The following TNNT3 variants were observed in gnomAD, a reference collection of about 807,000 sequenced individuals.
The protein encoded by TNNT3 is troponin T3, fast skeletal type, also known as troponin T, fast skeletal muscle.
A neutral mutation model predicts 54.2 loss-of-function variants in TNNT3; 36 were observed. The ratio of observed to expected loss-of-function variants is 0.66; its 90% CI spans 0.51 to 0.88. The LOEUF is 0.88. Among genes scored for constraint, TNNT3 ranks in the 40% least tolerant of loss-of-function variants. TNNT3 has a pLI of 0.00. For synonymous variants in TNNT3, 120 were observed against 109.7 expected, an observed-to-expected ratio of 1.09 and a Z score of -0.59; for missense variants, 291 against 331.6, an observed-to-expected ratio of 0.88 and a Z score of 0.95.
intron 15 of TNNT3, among the ~76,000 whole-genome samples, 195 bp downstream of exon 15, chr11:1,937,198 G>A (rs769208428): frequency 2.9e-4 from 44 of 152,158 alleles, no homozygotes; most frequent in Non-Finnish European, 5.6e-4. Flanking sequence ...TCTCCTGCAC[G>A]CAGGGGAGCC....
At chr11:1,927,546 G>T (rs1851968315) in intron 6 of TNNT3, among the ~76,000 whole-genome samples, 1 of 152,164 alleles carries the variant, frequency 6.6e-6, no homozygotes, top group Non-Finnish European at 1.5e-5. Context: ...GAGGGGGATG[G>T]GACTCCAGCC....
At chr11:1,928,658 C>G (rs1373137336) in intron 6 of TNNT3, among the ~76,000 whole-genome samples, 1 of 152,172 alleles carries the variant, frequency 6.6e-6, no homozygotes, top group African/African-American at 2.4e-5. Flanking sequence ...CTGGGTTCCA[C>G]CCAGTAACAC....
At chr11:1,938,341 G>C (rs1242739743) in intron 15 of TNNT3, 97 bp from the exon 16 acceptor site, 3 of 1,372,446 alleles carry the variant, frequency 2.2e-6, no homozygotes, top group Non-Finnish European at 3.1e-6. Context: ...CCTGAGAGCA[G>C]CCTGGGGTCG....
chr11:1,936,889 G>A, intron 14 of TNNT3, 74 bp from the exon 15 acceptor site: 2 of 1,496,934 alleles, frequency 1.3e-6, no homozygotes, highest in Admixed American at 3.9e-5. Flanking sequence ...CCCTGCGGTG[G>A]AGACAGGCCT....
At chr11:1,922,674 G>A (rs910532991) in intron 1 of TNNT3, 183 bp from the exon 2 acceptor site, 16 of 645,524 alleles carry the variant, frequency 2.5e-5, no homozygotes, top group Non-Finnish European at 3.9e-5. Context: ...GAGGGGCCAG[G>A]AGCCCTGGAG....
intron 9 of TNNT3, among the ~76,000 whole-genome samples, chr11:1,933,186 C>T (rs926490204): frequency 3.4e-4 from 51 of 148,480 alleles, no homozygotes; most frequent in Admixed American, 1.4e-3. Context: ...CCACCATCCA[C>T]GCATCCTCTA....
intron 5 of TNNT3, chr11:1,926,322 A>G: frequency 2.0e-6 from 2 of 1,006,566 alleles, no homozygotes; most frequent in Middle Eastern, 2.0e-4. Flanking sequence ...GCCTGGGCTA[A>G]CTCTGACCGT....
chr11:1,931,334 A>G (rs1853283624), intron 8 of TNNT3, among the ~76,000 whole-genome samples: 2 of 152,258 alleles, frequency 1.3e-5, no homozygotes, highest in Admixed American at 6.5e-5. Context: ...GAATGTTCTT[A>G]AGGCTTTGAC....
intron 4 of TNNT3, 88 bp from the exon 5 acceptor site, chr11:1,925,011 T>G: frequency 1.3e-6 from 2 of 1,512,748 alleles, no homozygotes; most frequent in Admixed American, 3.4e-5. Flanking sequence ...CTCCTGTCCT[T>G]GCGGCCTGAG....
At chr11:1,926,657 C>T in intron 5 of TNNT3, 38 bp from the exon 6 acceptor site, 2 of 1,613,382 alleles carry the variant, frequency 1.2e-6, no homozygotes, top group Non-Finnish European at 1.7e-6. Flanking sequence ...TCCTCTCTCT[C>T]TCCCGCCCTT....
chr11:1,936,976 G>A lies in TNNT3; in HGVS notation c.695G>A (p.Arg232Lys), dbSNP rs1057518251. 26 of 1,606,672 alleles carry A rather than the reference G, an allele frequency of 1.6e-5. No individual in the cohort carries two copies. The highest frequency in any genetic ancestry group is 2.1e-5 in the Non-Finnish European group (25 of 1,177,812). The change falls in exon 15 of 16, where the codon AGG (arginine) becomes AAG (lysine). Residue 232 changes from arginine to lysine, a missense_variant. Coordinates refer to ENST00000278317, the MANE Select transcript of TNNT3 (RefSeq NM_006757.4). ...KRQKYDITTL[R>K]SRIDQAQKHS... ...TGTTGTTCACAGATCACCACGCTCA[G>A]GAGCCGCATTGACCAGGCCCAGAAG...
intron 12 of TNNT3, 41 bp from the exon 13 acceptor site, chr11:1,934,501 GCCCT>G (rs747661101): frequency 6.2e-7 from 1 of 1,607,412 alleles, no homozygotes; most frequent in Admixed American, 1.7e-5. Flanking sequence ...TACGCCCTGT[GCCCT>G]CCTGAGACCA....
At position 1,934,431 on chromosome 11, in the gene TNNT3, A is replaced by T. The variant is rs1022154479; in HGVS notation, c.466A>T (p.Ser156Cys). Residue 156 changes from serine (S) to cysteine (C), a missense_variant, in exon 12 of 16, where the codon AGC (serine) becomes TGC (cysteine). Transcript: ENST00000278317. ...ALSSMGANYS[S>C]YLAKADQKRG... ...GTCTTCCATGGGAGCCAACTACAGC[A>T]GCTACCTGGCCAAGGTGTGTGCCGC... 1.9e-6 allele frequency: 3 copies of T among 1,613,568 alleles called. No individual in the cohort carries two copies. The highest frequency in any genetic ancestry group is 2.5e-6 in the Non-Finnish European group (3 of 1,180,018).
At chr11:1,923,620 T>G (rs751685193) in intron 4 of TNNT3, 48 bp downstream of exon 4, 2 of 1,239,428 alleles carry the variant, frequency 1.6e-6, no homozygotes, top group Non-Finnish European at 2.2e-6. Flanking sequence ...CCTTGGAACT[T>G]AACCCCCCTC....
At chr11:1,930,803 A>C (rs549579990) in intron 8 of TNNT3, among the ~76,000 whole-genome samples, 33 of 152,316 alleles carry the variant, frequency 2.2e-4, no homozygotes, top group African/African-American at 7.7e-4. Context: ...CTGGATCATG[A>C]GATATTTTCT....
chr11:1,937,615 G>A (rs1378511176), intron 15 of TNNT3, among the ~76,000 whole-genome samples: 1 of 152,208 alleles, frequency 6.6e-6, no homozygotes, highest in Admixed American at 6.5e-5. Flanking sequence ...GAGCCCAGCT[G>A]CACAGCCAGT....
intron 1 of TNNT3, 38 bp from the exon 2 acceptor site, chr11:1,922,819 T>G: frequency 3.3e-6 from 5 of 1,518,614 alleles, no homozygotes; most frequent in Admixed American, 3.4e-5. Context: ...TCTCTTTCCA[T>G]CCTCTCTCTC....
intron 15 of TNNT3, among the ~76,000 whole-genome samples, chr11:1,938,006 C>T (rs555584209): frequency 5.9e-5 from 9 of 152,336 alleles, no homozygotes; most frequent in Middle Eastern, 3.4e-3. Context: ...GCACCCAGCT[C>T]CTCCCGGCTC....
At chr11:1,921,847 CA>C (rs1211911899) in intron 1 of TNNT3, among the ~76,000 whole-genome samples, 7 of 152,340 alleles carry the variant, frequency 4.6e-5, no homozygotes, top group Admixed American at 4.6e-4. Flanking sequence ...CATGCCGGTG[CA>C]GCTGCTCAGA....
Sources: gnomAD v4.1 joint callset for allele counts (sites outside exome capture counted in the v4.1 genomes callset) on GRCh38, gnomAD v4.1.1 for gene constraint, MANE v1.5 for transcripts, NCBI Gene and HGNC (gene_info 2026-07-23, HGNC 2026-07-21) for gene names.